Variants in MOG observed in about 807,000 individuals in gnomAD.
The protein encoded by MOG is myelin oligodendrocyte glycoprotein, also known as myelin-oligodendrocyte glycoprotein.
Under a neutral mutation model 35.9 loss-of-function variants are expected in MOG, and 20 were observed. The ratio of observed to expected loss-of-function variants is 0.56; its 90% confidence interval spans 0.39 to 0.81. The LOEUF is 0.81. Ranked by LOEUF, MOG falls within the 30% of genes least tolerant of loss-of-function variation. The pLI, the probability that MOG is intolerant of heterozygous loss-of-function variation, is 0.00. For synonymous variants in MOG, 92 were observed against 114.3 expected (o/e 0.80, Z 1.25); for missense variants, 251 against 301.0 (o/e 0.83, Z 1.23).
At chr6:29,663,913 G>A (rs2535255) in intron 2 of MOG, 22,919 of 967,194 alleles carry the variant, frequency 0.024, 677 homozygotes, top group African/African-American at 0.14. Context: ...TCCTGGACCA[G>A]TTTAATGTTA....
At chr6:29,664,253 G>A (rs564179641) in intron 2 of MOG, among the ~76,000 whole-genome samples, 1 of 150,796 alleles carries the variant, frequency 6.6e-6, no homozygotes, top group East Asian at 1.9e-4. Flanking sequence ...TGTTACCCAG[G>A]CTGGAGTGCA....
intron 2 of MOG, chr6:29,661,304 C>A: frequency 1.1e-6 from 1 of 871,564 alleles, no homozygotes; most frequent in Non-Finnish European, 1.4e-6. Context: ...GTATGTGGAA[C>A]AACAAAGCAC....
rs895205924 is a variant in MOG at position 29,662,246 on chromosome 6, G to A, written c.436+2580G>A. On this transcript the variant is annotated intron_variant, in intron 2 of 7. Transcript: ENST00000376917. This position sits in a 1 kb window ranked among gnomAD's most constrained non-coding sequence, Gnocchi z 4.2. ...CGCCTGTAATCCCAGCACTTTGGGA[G>A]GCCGAAGCGGGCAGATCACCCGAGG... The A allele has an allele frequency of 3.6e-5, 32 of 886,564 alleles. No individual in the cohort carries two copies. In the African/African-American group the frequency reaches 5.4e-4, roughly 15 times the overall value. 54.9% of individuals were successfully genotyped at this position (886,564 alleles called of 1,614,324 possible).
At chr6:29,659,733 G>A (rs1768085535) in intron 2 of MOG, 67 bp downstream of exon 2, 1 of 1,305,004 alleles carries the variant, frequency 7.7e-7, no homozygotes, top group Non-Finnish European at 1.1e-6. Flanking sequence ...TCTCTCAACT[G>A]AGATGAGATC....
chr6:29,659,411 G>A lies in MOG; in HGVS notation c.181G>A (p.Ala61Thr), dbSNP rs1294315820. The A allele has an allele frequency of 5.0e-6, 8 of 1,613,014 alleles. No individual in the cohort carries two copies. The highest frequency in any genetic ancestry group is 4.5e-5 in the East Asian group (2 of 44,872). Residue 61 changes from alanine (A) to threonine (T), a missense_variant, in exon 2 of 8, where the codon GCT (alanine) becomes ACT (threonine). Ala to Thr is a moderately conservative substitution (Grantham distance 58, BLOSUM62 0). Transcript: ENST00000376917. Reference protein sequence around the residue: ...LPCRISPGKNATGMEVGWYRP... With the variant: ...LPCRISPGKNTTGMEVGWYRP... ...ATGTCGCATATCTCCTGGGAAGAACGCTACAGGCATGGAGGTGGGGTGGTA... is the reference window on the plus strand; with the variant it reads ...ATGTCGCATATCTCCTGGGAAGAACACTACAGGCATGGAGGTGGGGTGGTA...
chr6:29,671,276 C>G lies in MOG; in HGVS notation c.*91C>G. 1 of 1,612,022 alleles carries G rather than the reference C, an allele frequency of 6.2e-7. No individual in the cohort carries two copies. Among genetic ancestry groups the G allele is most frequent in the Non-Finnish European group, 8.5e-7 (1 of 1,180,036 alleles). ...TCTCATCCATCAAGTTGCACACTCA[C>G]TGGCATCTTTGCTATGGGGACATTC... On this transcript the variant is annotated 3_prime_UTR_variant, in exon 8 of 8. Coordinates refer to ENST00000376917, the MANE Select transcript of MOG (RefSeq NM_206809.4).
chr6:29,668,510 A>G (rs545211842), intron 5 of MOG, among the ~76,000 whole-genome samples: 1 of 152,320 alleles, frequency 6.6e-6, no homozygotes, highest in African/African-American at 2.4e-5. Flanking sequence ...TGTTAGATAA[A>G]TGTTGCAGAC....
At position 29,662,128 on chromosome 6, in the gene MOG, T is replaced by C. The variant is rs996366555; in HGVS notation, c.436+2462T>C. On this transcript the variant is annotated intron_variant, in intron 2 of 7. Coordinates refer to ENST00000376917, the MANE Select transcript of MOG (RefSeq NM_206809.4). The surrounding 1 kb of genome is among the most constrained non-coding windows in gnomAD (Gnocchi z 4.2). Reference sequence around the variant, plus strand: ...CTCTTGTTTACTTATTTTTTTCTTGTCATTTTTGTGATTTTATTACTAGTT... The same window carrying C: ...CTCTTGTTTACTTATTTTTTTCTTGCCATTTTTGTGATTTTATTACTAGTT... 2 of 984,938 alleles carry C rather than the reference T, an allele frequency of 2.0e-6. No homozygotes were observed. Among genetic ancestry groups the C allele is most frequent in the Admixed American group, 1.2e-4 (2 of 16,260 alleles). 61.0% of individuals were successfully genotyped at this position (984,938 alleles called of 1,614,324 possible). A position where few individuals can be genotyped will look rare whatever the true frequency, so the allele number is the denominator to read the frequency against.
intron 4 of MOG, 79 bp downstream of exon 4, chr6:29,667,742 G>A (rs992239985): frequency 4.5e-6 from 7 of 1,567,780 alleles, no homozygotes; most frequent in Admixed American, 1.7e-5. Context: ...TTCTTGGACC[G>A]TCTCTCCCTC....
chr6:29,664,549 T>G (rs1433910243), intron 2 of MOG: 3 of 426,222 alleles, frequency 7.0e-6, no homozygotes, highest in Non-Finnish European at 1.4e-5. Context: ...CTCTTAACCT[T>G]TTGTTGTGTG....
chr6:29,661,989 C>G, intron 2 of MOG: 1 of 985,354 alleles, frequency 1.0e-6, no homozygotes, highest in Non-Finnish European at 1.2e-6. Flanking sequence ...GACGCTTTGT[C>G]TAGGCTTTGG....
intron 3 of MOG, 61 bp downstream of exon 3, chr6:29,666,326 C>A (rs1770212455): frequency 1.0e-6 from 1 of 954,246 alleles, no homozygotes. Flanking sequence ...CTTCTTGGAG[C>A]TACACCACTT....
Position 29,670,623 on chromosome 6 carries a change from C to T in MOG, c.710-78C>T. ...GTGGAAAGGGCAGTGTGGGTCACTC[C>T]AAATGTCCATAGGGAGGATGTGGGG... On this transcript the variant is annotated intron_variant, in intron 6 of 7. Coordinates refer to ENST00000376917, the MANE Select transcript of MOG (RefSeq NM_206809.4). This position sits in a 1 kb window ranked among gnomAD's most constrained non-coding sequence, Gnocchi z 4.2. 4 of 1,595,022 alleles carry T rather than the reference C, an allele frequency of 2.5e-6. No individual in the cohort carries two copies. The highest frequency in any genetic ancestry group is 3.4e-6 in the Non-Finnish European group (4 of 1,170,568).
intron 4 of MOG, 43 bp downstream of exon 4, chr6:29,667,706 T>A: frequency 6.2e-7 from 1 of 1,613,160 alleles, no homozygotes; most frequent in Non-Finnish European, 8.5e-7. Flanking sequence ...GCCTTTTGGT[T>A]TTTTGGCATA....
chr6:29,657,663 C>CTT (rs9278226), intron 1 of MOG, among the ~76,000 whole-genome samples: 40 of 109,992 alleles, frequency 3.6e-4, no homozygotes, highest in African/African-American at 5.6e-4. Flanking sequence ...TTTTTCTTTT[C>CTT]TTTTTTTTTT....
At chr6:29,664,838 T>C (rs1769838118) in intron 2 of MOG, 1 of 289,226 alleles carries the variant, frequency 3.5e-6, no homozygotes, top group Non-Finnish European at 6.8e-6. Flanking sequence ...CGAGAACTCC[T>C]GGGCTCAAGC....
chr6:29,669,951 A>T (rs1258353376), intron 5 of MOG, among the ~76,000 whole-genome samples: 1 of 152,088 alleles, frequency 6.6e-6, no homozygotes, highest in Non-Finnish European at 1.5e-5. Context: ...TTACATTTTT[A>T]GTAGAGATGG....
Position 29,670,694 on chromosome 6 carries a change from T to C in MOG, c.710-7T>C, listed in dbSNP as rs752789189. The C allele has an allele frequency of 1.9e-6, 3 of 1,612,534 alleles. No individual in the cohort carries two copies. The highest frequency in any genetic ancestry group is 2.5e-6 in the Non-Finnish European group (3 of 1,179,776). On this transcript the variant is annotated splice_region_variant and splice_polypyrimidine_tract_variant and intron_variant, in intron 6 of 7. Transcript: ENST00000376917. This position sits in a 1 kb window ranked among gnomAD's most constrained non-coding sequence, Gnocchi z 4.2. ...CTAATCACATATTTGTTTCTTTTTG[T>C]TTTCAGGGCAATTCCTTGAAGAGCT...
At chr6:29,663,107 C>G (rs3117287) in intron 2 of MOG, among the ~76,000 whole-genome samples, 1 of 151,822 alleles carries the variant, frequency 6.6e-6, no homozygotes, top group Non-Finnish European at 1.5e-5. Context: ...ATTTCTACTA[C>G]AAATACAAAA....
Sources: gnomAD v4.1 joint callset for allele counts (sites outside exome capture counted in the v4.1 genomes callset) on GRCh38, gnomAD v4.1.1 for gene constraint, Gnocchi (gnomAD v3.1) non-coding constraint, MANE v1.5 for transcripts, NCBI Gene and HGNC (gene_info 2026-07-23, HGNC 2026-07-21) for gene names.